Variants in BCAS3 observed in about 807,000 individuals in gnomAD.
BCAS3 encodes BCAS4/BCAS3 fusion.
Under a neutral mutation model 116.1 loss-of-function variants are expected in BCAS3, and 53 were observed. That is an observed-to-expected ratio of 0.46 (90% CI 0.37 to 0.57). BCAS3 has a LOEUF of 0.57. BCAS3 is among the 20% of genes least tolerant of loss of function. The pLI is 0.00. For missense variants in BCAS3, 917 were observed against 1,165.4 expected (o/e 0.79, Z 3.10); for synonymous variants, 391 against 408.2 (o/e 0.96, Z 0.51).
At chr17:60,738,390 C>T (rs1254859512) in intron 5 of BCAS3, among the ~76,000 whole-genome samples, 1 of 152,176 alleles carries the variant, frequency 6.6e-6, no homozygotes, top group Non-Finnish European at 1.5e-5. Context: ...TTGTTAAGCA[C>T]ATATGTAGTA....
chr17:60,749,325 G>A (rs2042255627), intron 6 of BCAS3, among the ~76,000 whole-genome samples: 1 of 152,186 alleles, frequency 6.6e-6, no homozygotes, highest in Non-Finnish European at 1.5e-5. Flanking sequence ...AGAGTCTGAG[G>A]CCATTTTGAT....
chr17:61,303,115 C>T (rs1384716480), intron 22 of BCAS3, among the ~76,000 whole-genome samples: 1 of 152,194 alleles, frequency 6.6e-6, no homozygotes, highest in Non-Finnish European at 1.5e-5. Flanking sequence ...GTGTGCTGAG[C>T]AGCTCTGCTG....
chr17:61,329,634 C>T (rs1217411156), intron 22 of BCAS3, among the ~76,000 whole-genome samples: 3 of 152,270 alleles, frequency 2.0e-5, no homozygotes, highest in East Asian at 3.9e-4. Context: ...AGCCACCATG[C>T]CCGGCCTATG....
At chr17:61,301,138 G>A (rs962530519) in intron 22 of BCAS3, among the ~76,000 whole-genome samples, 1 of 152,186 alleles carries the variant, frequency 6.6e-6, no homozygotes, top group Non-Finnish European at 1.5e-5. Flanking sequence ...AGACTGTTTT[G>A]TAAATAAAGT....
chr17:60,736,059 A>C (rs1419825567), intron 5 of BCAS3, among the ~76,000 whole-genome samples: 2 of 148,036 alleles, frequency 1.4e-5, no homozygotes, highest in East Asian at 3.9e-4. Context: ...ATTTTCAGAG[A>C]CAGGGTCTCA....
Position 60,854,481 on chromosome 17 carries a change from T to C in BCAS3, c.477-14095T>C, listed in dbSNP as rs539380964. Among the ~76,000 whole-genome samples the C allele has an allele frequency of 9.2e-5, 14 of 152,266 alleles. No homozygotes were observed. The East Asian group carries it at 2.7e-3, about 29-fold the overall frequency. The stretch of plus-strand genomic sequence containing the variant: ...TCCTTGAGGAATGGGCACACTGTCT[T>C]CCACAGTGGTTGAACTACAAGAAAA... On this transcript the variant is annotated intron_variant, in intron 7 of 23. Transcript: ENST00000407086.
intron 15 of BCAS3, among the ~76,000 whole-genome samples, chr17:60,997,186 C>G (rs905743425): frequency 1.3e-5 from 2 of 152,202 alleles, no homozygotes; most frequent in African/African-American, 4.8e-5. Context: ...AGGAGGTGAG[C>G]TCAGGTGGTA....
chr17:61,107,082 CTT>C (rs755754824), intron 22 of BCAS3, among the ~76,000 whole-genome samples: 1 of 106,370 alleles, frequency 9.4e-6, no homozygotes, highest in African/African-American at 3.8e-5. Context: ...ACTAGGCTTA[CTT>C]TTTTTTTTTT....
chr17:61,135,653 A>G (rs944833890), intron 22 of BCAS3, among the ~76,000 whole-genome samples: 3 of 152,218 alleles, frequency 2.0e-5, no homozygotes, highest in Non-Finnish European at 4.4e-5. Flanking sequence ...CCCACGGGCT[A>G]GAACAGTTCT....
intron 14 of BCAS3, among the ~76,000 whole-genome samples, chr17:60,955,386 A>ATTTTTTTTTTTTTTTTTTTTTTTTTTT (rs1016334366): frequency 5.5e-5 from 7 of 128,084 alleles, no homozygotes; most frequent in African/African-American, 2.5e-4. Context: ...GGGAAACTGA[A>ATTTTTTTTTTTTTTTTTTTTTTTTTTT]TTTTTTTTTT....
chr17:61,084,715 A>G lies in BCAS3; in HGVS notation c.2425+151A>G. The G allele has an allele frequency of 1.4e-6, 1 of 693,872 alleles. No individual in the cohort carries two copies. 43.0% of individuals were successfully genotyped at this position (693,872 alleles called of 1,614,324 possible). On this transcript the variant is annotated intron_variant, in intron 22 of 23. Transcript: ENST00000407086. The surrounding 1 kb of genome is among the most constrained non-coding windows in gnomAD (Gnocchi z 5.5). Reference sequence around the variant, plus strand: ...CATTTTAATACAGTACTGTGCCTATATTTCTTGCTGAACAATGCCATGCTT... The same window carrying G: ...CATTTTAATACAGTACTGTGCCTATGTTTCTTGCTGAACAATGCCATGCTT...
intron 15 of BCAS3, among the ~76,000 whole-genome samples, chr17:60,999,546 CAAAAAAAAAAAA>C (rs1021249439): frequency 1.6e-5 from 1 of 62,912 alleles, no homozygotes; most frequent in Non-Finnish European, 3.9e-5. Flanking sequence ...GACTGTGTCT[CAAAAAAAAAAAA>C]AAAAAAGAAA....
chr17:60,717,550 G>T (rs1167973358), intron 5 of BCAS3, among the ~76,000 whole-genome samples: 1 of 152,086 alleles, frequency 6.6e-6, no homozygotes, highest in Non-Finnish European at 1.5e-5. Flanking sequence ...CAGCAAGGAG[G>T]CAGTTTAGCT....
Position 61,379,335 on chromosome 17 carries a change from G to A in BCAS3, c.2593+10841G>A, listed in dbSNP as rs769904555. The stretch of plus-strand genomic sequence containing the variant: ...GCCTTCTCGAAACATGGCCCGAGAT[G>A]TGGAGGCCACCCCCTGGATGTGGTG... On this transcript the variant is annotated intron_variant, in intron 23 of 23. Transcript: ENST00000407086. This position sits in a 1 kb window ranked among gnomAD's most constrained non-coding sequence, Gnocchi z 5.5. The A allele has an allele frequency of 6.6e-6, 1 of 152,224 alleles. No individual in the cohort carries two copies. Among genetic ancestry groups the A allele is most frequent in the Non-Finnish European group, 1.5e-5 (1 of 68,096 alleles). The allele number at this position is 152,224 out of a possible 1,614,324, so 9.4% of individuals were successfully genotyped here. A position where few individuals can be genotyped will look rare whatever the true frequency, so the allele number is the denominator to read the frequency against.
intron 22 of BCAS3, among the ~76,000 whole-genome samples, chr17:61,273,212 G>A (rs758288318): frequency 2.0e-5 from 3 of 151,130 alleles, no homozygotes; most frequent in South Asian, 2.1e-4. Flanking sequence ...GAGCTCAAGC[G>A]ATCCTCCCAC....
rs2066279711 is a variant in BCAS3 at position 61,026,831 on chromosome 17, A to G, written c.1638-7835A>G. The G allele has an allele frequency of 1.3e-6, 2 of 1,570,668 alleles. No homozygotes were observed. The highest frequency in any genetic ancestry group is 1.4e-5 in the African/African-American group (1 of 73,826). On this transcript the variant is annotated intron_variant, in intron 16 of 23. Transcript: ENST00000407086. This position sits in a 1 kb window ranked among gnomAD's most constrained non-coding sequence, Gnocchi z 5.0. ...GCTAATGTTAAATGAGTTTTTCTCTAATTTTTTGTGCATTTTTCCCCCTTT... is the reference window on the plus strand; with the variant it reads ...GCTAATGTTAAATGAGTTTTTCTCTGATTTTTTGTGCATTTTTCCCCCTTT...
At chr17:61,245,041 A>G (rs988211015) in intron 22 of BCAS3, among the ~76,000 whole-genome samples, 1 of 152,128 alleles carries the variant, frequency 6.6e-6, no homozygotes, top group Non-Finnish European at 1.5e-5. Flanking sequence ...CATAGCCGAG[A>G]CTGGGTAATT....
In BCAS3 at chr17:61,281,491, G is replaced by A. The variant is rs977714409; in HGVS notation, c.2426-86836G>A. ...GTACTTATTTCTCTACGCCTTGCCA[G>A]TACAGTGTGTTATCAGATTTTTTGG... On this transcript the variant is annotated intron_variant, in intron 22 of 23. Transcript: ENST00000407086. This position sits in a 1 kb window ranked among gnomAD's most constrained non-coding sequence, Gnocchi z 4.2. 6.6e-6 allele frequency among the ~76,000 whole-genome samples: 1 copy of A among 152,132 alleles called. No homozygotes were observed. The highest frequency in any genetic ancestry group is 2.1e-4 in the South Asian group (1 of 4,834).
At chr17:60,684,817 A>G (rs1003189516) in intron 3 of BCAS3, among the ~76,000 whole-genome samples, 9 of 152,142 alleles carry the variant, frequency 5.9e-5, no homozygotes, top group African/African-American at 1.9e-4. Context: ...GGGTATGTGT[A>G]ACTGGAGTGT....
Sources: allele counts gnomAD v4.1 joint callset (sites outside exome capture counted in the v4.1 genomes callset), GRCh38; gene constraint gnomAD v4.1.1; non-coding constraint Gnocchi (gnomAD v3.1); transcripts MANE v1.5; gene names NCBI Gene and HGNC (gene_info 2026-07-23, HGNC 2026-07-21).